UBXN8: variants seen among roughly 807,000 people sequenced by gnomAD.
The protein encoded by UBXN8 is UBX domain-containing protein 8.
Under a neutral mutation model 32.1 loss-of-function variants are expected in UBXN8, and 27 were observed. That is an observed-to-expected ratio of 0.84 (90% CI 0.62 to 1.16). The LOEUF (loss-of-function observed/expected upper bound fraction) is 1.16. UBXN8 is among the 50% of genes most tolerant of loss of function. The pLI, the probability that UBXN8 is intolerant of heterozygous loss-of-function variation, is 0.00. For synonymous variants in UBXN8, 109 were observed against 111.8 expected (o/e 0.98, Z 0.16); for missense variants, 306 against 311.4 (o/e 0.98, Z 0.13).
Position 30,751,527 on chromosome 8 carries a change from ATTAT to A in UBXN8, c.211+15_211+18del. 1 of 1,592,494 alleles carries A rather than the reference ATTAT, an allele frequency of 6.3e-7. No homozygotes were observed. The highest frequency in any genetic ancestry group is 8.5e-7 in the Non-Finnish European group (1 of 1,171,160). On this transcript the variant is annotated intron_variant, in intron 2 of 7. Transcript: ENST00000265616. ...CCAAGTTTATCTGAAGGGTAAGTTT[ATTAT>A]TTATTCTACCCTTTTATACCATTCT...
intron 1 of UBXN8, among the ~76,000 whole-genome samples, chr8:30,747,307 G>GTT (rs59568820): frequency 0.048 from 3,892 of 81,618 alleles, 674 homozygotes; most frequent in African/African-American, 0.12. Flanking sequence ...CCTCAGTGGT[G>GTT]TTTTTTTTTT....
intron 1 of UBXN8, among the ~76,000 whole-genome samples, chr8:30,746,151 T>TA (rs1333395395): frequency 6.6e-6 from 1 of 152,234 alleles, no homozygotes; most frequent in African/African-American, 2.4e-5. Context: ...AAGGGTTCTA[T>TA]AAATTGCACC....
chr8:30,742,451 A>C (rs751017032), upstream of UBXN8, among the ~76,000 whole-genome samples: 4 of 152,106 alleles, frequency 2.6e-5, no homozygotes, highest in Non-Finnish European at 5.9e-5. Context: ...CCTGGGCTCA[A>C]GTGATTCTCC....
exon 1 of UBXN8, chr8:30,732,960 T>A (rs1804999892): frequency 6.6e-6 from 1 of 152,254 alleles, no homozygotes; most frequent in Non-Finnish European, 1.5e-5. Flanking sequence ...ACTCACTAAG[T>A]ACCAAAGTTT....
At chr8:30,748,297 G>A (rs1363668840) in intron 1 of UBXN8, among the ~76,000 whole-genome samples, 2 of 150,418 alleles carry the variant, frequency 1.3e-5, no homozygotes, top group East Asian at 3.9e-4. Context: ...AAGAAAGGAG[G>A]ATCATTTGGA....
At chr8:30,757,986 A>G (rs1198868289) in intron 5 of UBXN8, among the ~76,000 whole-genome samples, 2 of 151,638 alleles carry the variant, frequency 1.3e-5, no homozygotes, top group African/African-American at 4.8e-5. Flanking sequence ...TCCTGGGTTC[A>G]CACCATTCTC....
intron 5 of UBXN8, among the ~76,000 whole-genome samples, chr8:30,759,460 C>T (rs978574486): frequency 1.4e-4 from 21 of 151,490 alleles, no homozygotes; most frequent in Non-Finnish European, 2.8e-4. Flanking sequence ...GTCTCAAACT[C>T]CTGACCTCAG....
chr8:30,744,059 A>C, upstream of UBXN8: 1 of 758,944 alleles, frequency 1.3e-6, no homozygotes, highest in Non-Finnish European at 2.2e-6. Flanking sequence ...CAATAACGAC[A>C]CGGCCGTCAG....
At chr8:30,741,745 C>T (rs113115165), upstream of UBXN8, among the ~76,000 whole-genome samples, 41 of 152,176 alleles carry the variant, frequency 2.7e-4, no homozygotes, top group Non-Finnish European at 4.9e-4. Context: ...TCACCGCGCC[C>T]GGCCACAATG....
chr8:30,733,812 A>T (rs1437057529), intron 1 of UBXN8: 1 of 152,174 alleles, frequency 6.6e-6, no homozygotes, highest in African/African-American at 2.4e-5. Context: ...CCAGCTAGGA[A>T]CTACATTTTG....
At chr8:30,763,937 G>A (rs952346443) in intron 7 of UBXN8, among the ~76,000 whole-genome samples, 9 of 152,122 alleles carry the variant, frequency 5.9e-5, no homozygotes, top group African/African-American at 2.2e-4. Flanking sequence ...GTTGCAATGA[G>A]CCGAGATCAT....
At chr8:30,763,147 C>A in intron 6 of UBXN8, 126 bp from the exon 7 acceptor site, 1 of 924,210 alleles carries the variant, frequency 1.1e-6, no homozygotes, top group Non-Finnish European at 1.7e-6. Context: ...CCATGCCCTA[C>A]CTATGTCTTT....
intron 1 of UBXN8, among the ~76,000 whole-genome samples, chr8:30,750,917 A>G (rs1200745047): frequency 6.6e-6 from 1 of 152,174 alleles, no homozygotes; most frequent in African/African-American, 2.4e-5. Flanking sequence ...GTTAGTCCAT[A>G]AACAATAAAG....
At chr8:30,754,236 T>A in intron 3 of UBXN8, 1 of 325,600 alleles carries the variant, frequency 3.1e-6, no homozygotes, top group Non-Finnish European at 6.1e-6. Context: ...TGAGACTCCA[T>A]CTCAAAACAA....
At chr8:30,738,146 G>C (rs1475298389) in intron 1 of UBXN8, among the ~76,000 whole-genome samples, 1 of 150,436 alleles carries the variant, frequency 6.6e-6, no homozygotes, top group Non-Finnish European at 1.5e-5. Flanking sequence ...AAAAGCAAAG[G>C]TTTCTTAGGA....
chr8:30,762,876 CTT>C (rs57351368), intron 6 of UBXN8, among the ~76,000 whole-genome samples: 11 of 151,300 alleles, frequency 7.3e-5, no homozygotes, highest in South Asian at 4.2e-4. Flanking sequence ...TTTATAATGT[CTT>C]TTTTTTTTTT....
At chr8:30,753,221 G>A in intron 3 of UBXN8, 116 bp downstream of exon 3, 1 of 1,304,834 alleles carries the variant, frequency 7.7e-7, no homozygotes, top group Non-Finnish European at 9.8e-7. Context: ...AATATATAAT[G>A]AGGTCAAATT....
chr8:30,742,323 A>G (rs1357295934), upstream of UBXN8, among the ~76,000 whole-genome samples: 1 of 152,200 alleles, frequency 6.6e-6, no homozygotes, highest in Non-Finnish European at 1.5e-5. Context: ...CGGCCCTAGC[A>G]ACAATCTACC....
At chr8:30,741,445 A>G (rs931981742), upstream of UBXN8, among the ~76,000 whole-genome samples, 1 of 148,046 alleles carries the variant, frequency 6.8e-6, no homozygotes, top group African/African-American at 2.6e-5. Flanking sequence ...ATTATGTCAA[A>G]GCAATGTTCT....
Sources: gnomAD v4.1 joint callset for allele counts (sites outside exome capture counted in the v4.1 genomes callset) on GRCh38, gnomAD v4.1.1 for gene constraint, MANE v1.5 for transcripts, NCBI Gene and HGNC (gene_info 2026-07-23, HGNC 2026-07-21) for gene names.